TULP4: variants seen among roughly 807,000 people sequenced by gnomAD.
The protein encoded by TULP4 is tubby-related protein 4.
A neutral mutation model predicts 129.0 loss-of-function variants in TULP4; 16 were observed. The ratio of observed to expected loss-of-function variants is 0.12; its 90% CI spans 0.08 to 0.19. The LOEUF is 0.19. Among genes scored for constraint, TULP4 ranks in the 10% least tolerant of loss-of-function variants. The pLI is 1.00. For synonymous variants in TULP4, 998 were observed against 854.0 expected, an observed-to-expected ratio of 1.17 and a Z score of -2.94; for missense variants, 1,842 against 2,059.1, an observed-to-expected ratio of 0.89 and a Z score of 2.04.
At chr6:158,293,153 C>T (rs896724834) in intron 1 of TULP4, among the ~76,000 whole-genome samples, 6 of 152,206 alleles carry the variant, frequency 3.9e-5, no homozygotes, top group African/African-American at 1.2e-4. Flanking sequence ...TTCATATTCT[C>T]AGAATCGGCT....
chr6:158,243,538 T>C (rs1480972804), intron 1 of TULP4, among the ~76,000 whole-genome samples: 3 of 152,008 alleles, frequency 2.0e-5, no homozygotes, highest in African/African-American at 4.8e-5. Context: ...TTTTAACCTA[T>C]AGGTTCTCTA....
intron 3 of TULP4, among the ~76,000 whole-genome samples, chr6:158,430,923 G>T (rs1486101922): frequency 2.0e-5 from 3 of 151,924 alleles, no homozygotes; most frequent in East Asian, 1.9e-4. Flanking sequence ...TTTCATTTTT[G>T]AGCCACTTTT....
At chr6:158,326,793 T>G (rs1186168073) in intron 1 of TULP4, among the ~76,000 whole-genome samples, 1 of 152,164 alleles carries the variant, frequency 6.6e-6, no homozygotes, top group Non-Finnish European at 1.5e-5. Flanking sequence ...TTTAAATATA[T>G]TATCTAATTT....
chr6:158,487,162 C>T (rs1780091208), intron 8 of TULP4, among the ~76,000 whole-genome samples: 1 of 79,552 alleles, frequency 1.3e-5, no homozygotes, highest in Non-Finnish European at 2.5e-5. Context: ...GCAGGAGAAT[C>T]ACTGCCTCGG....
chr6:158,302,384 G>T (rs559335282), intron 1 of TULP4, among the ~76,000 whole-genome samples: 3 of 152,264 alleles, frequency 2.0e-5, no homozygotes, highest in Admixed American at 2.0e-4. Context: ...TTAAAGCAGG[G>T]GCAGGCATCC....
intron 1 of TULP4, among the ~76,000 whole-genome samples, chr6:158,322,178 G>A (rs530676034): frequency 1.3e-5 from 2 of 152,252 alleles, no homozygotes; most frequent in South Asian, 2.1e-4. Context: ...GACTCATTTT[G>A]GATTAAAGCC....
At chr6:158,260,982 G>A (rs563169450) in intron 1 of TULP4, among the ~76,000 whole-genome samples, 6 of 148,034 alleles carry the variant, frequency 4.1e-5, no homozygotes, top group South Asian at 2.2e-4. Context: ...CACCACGACC[G>A]GCTAATTTTT....
At chr6:158,279,953 G>A (rs1269992101), upstream of TULP4, among the ~76,000 whole-genome samples, 5 of 152,162 alleles carry the variant, frequency 3.3e-5, no homozygotes, top group Admixed American at 1.3e-4. Context: ...TTTACGGCGC[G>A]GCTAAACGTG....
chr6:158,361,102 G>A (rs1780777703), intron 1 of TULP4, among the ~76,000 whole-genome samples: 1 of 151,940 alleles, frequency 6.6e-6, no homozygotes, highest in Non-Finnish European at 1.5e-5. Context: ...CATTCATCTT[G>A]GATTTATCAC....
At chr6:158,322,684 A>G (rs779780765) in intron 1 of TULP4, among the ~76,000 whole-genome samples, 90 of 152,158 alleles carry the variant, frequency 5.9e-4, no homozygotes, top group Non-Finnish European at 1.2e-3. Flanking sequence ...ATTTGAAAAC[A>G]CATGCATTAA....
intron 1 of TULP4, among the ~76,000 whole-genome samples, chr6:158,318,800 A>G (rs553848277): frequency 1.3e-5 from 2 of 151,834 alleles, no homozygotes; most frequent in Admixed American, 1.3e-4. Context: ...ATCACCGCTC[A>G]CCGTAGCCTC....
At chr6:158,383,733 G>A (rs1777378570) in intron 1 of TULP4, among the ~76,000 whole-genome samples, 1 of 152,204 alleles carries the variant, frequency 6.6e-6, no homozygotes, top group African/African-American at 2.4e-5. Flanking sequence ...GCTTCTCGGG[G>A]CACATGGTCT....
intron 5 of TULP4, among the ~76,000 whole-genome samples, chr6:158,458,503 G>A (rs187964095): frequency 1.1e-3 from 162 of 152,304 alleles, no homozygotes; most frequent in African/African-American, 3.8e-3. Context: ...AAAGGGAAAA[G>A]AGGCCTACTG....
At chr6:158,281,912 C>A (rs951220588), upstream of TULP4, among the ~76,000 whole-genome samples, 1 of 152,236 alleles carries the variant, frequency 6.6e-6, no homozygotes, top group Admixed American at 6.5e-5. Context: ...AACATTTTTC[C>A]TGGCTAACTA....
chr6:158,493,602 A>G lies in TULP4; in HGVS notation c.1661A>G (p.Lys554Arg), dbSNP rs887767409. ...RISIEARKSP[K>R]LPRAAQELSR... ...AGCATTGAGGCCCGCAAGTCACCCA[A>G]GCTGCCCCGGGCTGCTCAGGAGCTC... The change falls in exon 10 of 14, where the codon AAG (lysine) becomes AGG (arginine). Residue 554 changes from lysine to arginine, a missense_variant. Transcript: ENST00000367097. This position sits in a 1 kb window ranked among gnomAD's most constrained non-coding sequence, Gnocchi z 4.4. 1.3e-6 allele frequency: 2 copies of G among 1,561,016 alleles called. No homozygotes were observed. The highest frequency in any genetic ancestry group is 1.7e-6 in the Non-Finnish European group (2 of 1,154,114).
chr6:158,432,380 G>A (rs1215884092), intron 3 of TULP4, among the ~76,000 whole-genome samples: 2 of 152,148 alleles, frequency 1.3e-5, no homozygotes, highest in African/African-American at 4.8e-5. Context: ...CTGCAGCTCA[G>A]GGGCTCTGAA....
intron 6 of TULP4, among the ~76,000 whole-genome samples, chr6:158,474,552 C>T (rs1025126987): frequency 1.3e-5 from 2 of 152,208 alleles, no homozygotes. Flanking sequence ...TCCAGGGCAG[C>T]CTCCCTGCTC....
intron 1 of TULP4, among the ~76,000 whole-genome samples, chr6:158,249,118 T>C (rs911071985): frequency 2.0e-5 from 3 of 150,580 alleles, no homozygotes; most frequent in East Asian, 3.9e-4. Flanking sequence ...AAAAAGAGGT[T>C]GGGTCATAGG....
intron 1 of TULP4, among the ~76,000 whole-genome samples, chr6:158,306,028 G>A (rs940723174): frequency 4.0e-5 from 6 of 151,872 alleles, no homozygotes; most frequent in African/African-American, 9.7e-5. Flanking sequence ...TCAGGAATTC[G>A]GATGCTTTGA....
Sources: allele counts gnomAD v4.1 joint callset (sites outside exome capture counted in the v4.1 genomes callset), GRCh38; gene constraint gnomAD v4.1.1; non-coding constraint Gnocchi (gnomAD v3.1); transcripts MANE v1.5; gene names NCBI Gene and HGNC (gene_info 2026-07-23, HGNC 2026-07-21).